Variants in PRKN observed in about 807,000 individuals in gnomAD.
PRKN encodes parkin RBR E3 ubiquitin protein ligase.
Under a neutral mutation model 59.5 loss-of-function variants are expected in PRKN, and 56 were observed. The observed-to-expected ratio is 0.94, with a 90% CI of 0.76 to 1.18. The LOEUF (loss-of-function observed/expected upper bound fraction) is 1.18. Ranked by LOEUF, PRKN falls within the 50% of genes most tolerant of loss-of-function variation. The pLI, the probability that PRKN is intolerant of heterozygous loss-of-function variation, is 0.00. For synonymous variants in PRKN, 250 were observed against 222.1 expected, an observed-to-expected ratio of 1.13 and a Z score of -1.12; for missense variants, 657 against 596.4, an observed-to-expected ratio of 1.10 and a Z score of -1.06.
At chr6:162,125,932 C>T (rs115789352) in intron 4 of PRKN, among the ~76,000 whole-genome samples, 369 of 152,230 alleles carry the variant, frequency 2.4e-3, no homozygotes, top group African/African-American at 8.4e-3. Context: ...TTACCTGCTA[C>T]GAAGATCGTC....
chr6:162,376,176 C>G (rs1187456445), intron 2 of PRKN, among the ~76,000 whole-genome samples: 1 of 152,116 alleles, frequency 6.6e-6, no homozygotes, highest in Non-Finnish European at 1.5e-5. Context: ...CTGGAGGAGG[C>G]AGTGACAACA....
intron 7 of PRKN, among the ~76,000 whole-genome samples, chr6:161,621,753 C>T (rs763073293): frequency 2.0e-5 from 3 of 152,126 alleles, no homozygotes; most frequent in African/African-American, 7.2e-5. Flanking sequence ...TAGGAAAGAA[C>T]TTTAAAGCTA....
At chr6:161,491,642 T>C (rs1328899841) in intron 9 of PRKN, among the ~76,000 whole-genome samples, 1 of 152,066 alleles carries the variant, frequency 6.6e-6, no homozygotes, top group Non-Finnish European at 1.5e-5. Context: ...CTTCCTTTTT[T>C]TTTTTTGAGA....
At chr6:161,523,862 A>G (rs996497150) in intron 9 of PRKN, among the ~76,000 whole-genome samples, 8 of 152,118 alleles carry the variant, frequency 5.3e-5, no homozygotes, top group African/African-American at 1.9e-4. Flanking sequence ...CCATTTTTCA[A>G]AATACCATCT....
At chr6:162,621,884 C>T (rs1411055232) in intron 1 of PRKN, among the ~76,000 whole-genome samples, 1 of 152,132 alleles carries the variant, frequency 6.6e-6, no homozygotes, top group African/African-American at 2.4e-5. Flanking sequence ...GGCACCATCT[C>T]GGCTTACTGC....
At chr6:162,367,022 T>C (rs1785478310) in intron 2 of PRKN, among the ~76,000 whole-genome samples, 1 of 152,182 alleles carries the variant, frequency 6.6e-6, no homozygotes, top group African/African-American at 2.4e-5. Flanking sequence ...TCTCGAATTG[T>C]AGTTCCCATA....
intron 5 of PRKN, among the ~76,000 whole-genome samples, chr6:162,009,387 T>C (rs1253134198): frequency 1.3e-5 from 2 of 151,774 alleles, no homozygotes; most frequent in African/African-American, 2.4e-5. Context: ...TGTACAGAAA[T>C]TATCAAACTG....
At chr6:161,966,466 C>T (rs28618291) in intron 6 of PRKN, among the ~76,000 whole-genome samples, 5 of 152,124 alleles carry the variant, frequency 3.3e-5, no homozygotes, top group Admixed American at 6.5e-5. Flanking sequence ...GAAAGAATTC[C>T]GGTATCCCTT....
intron 2 of PRKN, among the ~76,000 whole-genome samples, chr6:162,400,738 T>C (rs1380649585): frequency 6.6e-6 from 1 of 152,108 alleles, no homozygotes; most frequent in Non-Finnish European, 1.5e-5. Flanking sequence ...GCAGAGGAAG[T>C]ACATTTCTTA....
At chr6:162,343,271 A>G (rs191706235) in intron 2 of PRKN, among the ~76,000 whole-genome samples, 1 of 152,284 alleles carries the variant, frequency 6.6e-6, no homozygotes, top group East Asian at 1.9e-4. Flanking sequence ...TTATTTGTTA[A>G]TATTTTTAAA....
intron 1 of PRKN, among the ~76,000 whole-genome samples, chr6:162,652,023 TCA>T (rs1201304483): frequency 6.6e-6 from 1 of 152,188 alleles, no homozygotes; most frequent in African/African-American, 2.4e-5. Context: ...ACATTTTGGG[TCA>T]GACAGTTCTT....
At chr6:161,897,719 C>A (rs554716180) in intron 6 of PRKN, among the ~76,000 whole-genome samples, 1 of 150,584 alleles carries the variant, frequency 6.6e-6, no homozygotes, top group Non-Finnish European at 1.5e-5. Flanking sequence ...CGGTGGCTCA[C>A]GCCTGTAATC....
chr6:161,610,265 G>A (rs375798276), intron 7 of PRKN, among the ~76,000 whole-genome samples: 3 of 151,988 alleles, frequency 2.0e-5, no homozygotes, highest in Admixed American at 1.3e-4. Flanking sequence ...GACTCTGGGG[G>A]CAAAGCCGGG....
At position 161,473,216 on chromosome 6, in the gene PRKN, T is replaced by A. The variant is rs76072945; in HGVS notation, c.1083+75638A>T. Among the ~76,000 whole-genome samples, 102 of 152,172 alleles carry A rather than the reference T, an allele frequency of 6.7e-4. No homozygotes were observed. Among genetic ancestry groups the A allele is most frequent in the African/African-American group, 2.3e-3 (95 of 41,512 alleles). On this transcript the variant is annotated intron_variant, in intron 9 of 11. Transcript: ENST00000366898. The surrounding 1 kb of genome is among the most constrained non-coding windows in gnomAD (Gnocchi z 4.1). ...CCTTCTTATGTTCACTGTGGCATTA[T>A]TTACAATAGCAAGATATGCAAACAA...
intron 5 of PRKN, among the ~76,000 whole-genome samples, chr6:162,010,293 T>C (rs1782451015): frequency 7.9e-6 from 1 of 126,330 alleles, no homozygotes; most frequent in Non-Finnish European, 1.6e-5. Context: ...AAATATATTT[T>C]ATATATTTAT....
chr6:162,522,629 G>A (rs574802044), intron 1 of PRKN, among the ~76,000 whole-genome samples: 12 of 152,172 alleles, frequency 7.9e-5, no homozygotes, highest in Admixed American at 2.6e-4. Context: ...ACCATGATGG[G>A]GCAGGTGAAC....
chr6:161,528,406 T>C (rs1042089821), intron 9 of PRKN, among the ~76,000 whole-genome samples: 1 of 152,230 alleles, frequency 6.6e-6, no homozygotes, highest in Non-Finnish European at 1.5e-5. Context: ...CTTAACCCTT[T>C]TGGAGAGGTG....
At chr6:162,351,437 A>T (rs1395558187) in intron 2 of PRKN, among the ~76,000 whole-genome samples, 1 of 152,176 alleles carries the variant, frequency 6.6e-6, no homozygotes, top group Non-Finnish European at 1.5e-5. Flanking sequence ...AGACCAAACC[A>T]AGTGTTGTCA....
At chr6:161,571,167 G>A (rs916094819) in intron 7 of PRKN, among the ~76,000 whole-genome samples, 2 of 152,108 alleles carry the variant, frequency 1.3e-5, no homozygotes, top group African/African-American at 4.8e-5. Context: ...CTGGTCTCAA[G>A]CTCCTGGGCT....
Sources: gnomAD v4.1 joint callset for allele counts (sites outside exome capture counted in the v4.1 genomes callset) on GRCh38, gnomAD v4.1.1 for gene constraint, Gnocchi (gnomAD v3.1) non-coding constraint, MANE v1.5 for transcripts, NCBI Gene and HGNC (gene_info 2026-07-23, HGNC 2026-07-21) for gene names.